TGDS: variants seen among roughly 807,000 people sequenced by gnomAD.
TGDS encodes the protein TDP-glucose 4,6-dehydratase, also known as UDP-D-glucose 4,6-dehydratase.
Under a neutral mutation model 52.3 loss-of-function variants are expected in TGDS, and 47 were observed. The ratio of observed to expected loss-of-function variants is 0.90; its 90% CI spans 0.71 to 1.15. The LOEUF (loss-of-function observed/expected upper bound fraction) is 1.15, where lower values mean the gene tolerates loss of function less well. Among genes scored for constraint, TGDS ranks in the 50% most tolerant of loss-of-function variants. The pLI, the probability that TGDS is intolerant of heterozygous loss-of-function variation, is 0.00. For synonymous variants in TGDS, 115 were observed against 136.9 expected (o/e 0.84, Z 1.12); for missense variants, 375 against 418.4 (o/e 0.90, Z 0.90).
intron 3 of TGDS, 99 bp from the exon 4 acceptor site, chr13:94,591,042 T>C (rs1889184209): frequency 1.3e-6 from 1 of 763,072 alleles, no homozygotes; most frequent in Non-Finnish European, 2.1e-6. Flanking sequence ...CACCTCCCTG[T>C]TTAATAGAGA....
intron 6 of TGDS, 70 bp downstream of exon 6, chr13:94,581,021 A>G: frequency 1.1e-6 from 1 of 913,972 alleles, no homozygotes; most frequent in Non-Finnish European, 1.6e-6. Flanking sequence ...GAAAAAAAAA[A>G]GCTGACTTGG....
At chr13:94,581,366 C>A (rs1888784348) in intron 5 of TGDS, among the ~76,000 whole-genome samples, 177 bp from the exon 6 acceptor site, 1 of 152,118 alleles carries the variant, frequency 6.6e-6, no homozygotes, top group Admixed American at 6.5e-5. Flanking sequence ...CACAACAATC[C>A]TATATAGCAG....
chr13:94,585,857 G>A (rs1372944385), intron 4 of TGDS, among the ~76,000 whole-genome samples: 1 of 151,154 alleles, frequency 6.6e-6, no homozygotes, highest in Non-Finnish European at 1.5e-5. Context: ...TAAAAATGGA[G>A]TTGGAAATTA....
chr13:94,581,266 C>A, intron 5 of TGDS, 77 bp from the exon 6 acceptor site: 1 of 946,678 alleles, frequency 1.1e-6, no homozygotes, highest in Admixed American at 2.9e-5. Flanking sequence ...GTTAACACTT[C>A]AAATGTCAAT....
At chr13:94,590,784 A>AT in intron 4 of TGDS, 69 bp downstream of exon 4, 1 of 1,216,738 alleles carries the variant, frequency 8.2e-7, no homozygotes, top group South Asian at 1.6e-5. Flanking sequence ...TCTTTCAAAT[A>AT]TAAGTATTAG....
chr13:94,583,262 A>C, intron 4 of TGDS, 26 bp from the exon 5 acceptor site: 1 of 1,607,426 alleles, frequency 6.2e-7, no homozygotes, highest in Non-Finnish European at 8.5e-7. Flanking sequence ...GAAAAGCTAA[A>C]ACAAGTCTAC....
chr13:94,580,067 C>G, intron 6 of TGDS, 114 bp from the exon 7 acceptor site: 1 of 615,602 alleles, frequency 1.6e-6, no homozygotes, highest in Non-Finnish European at 2.8e-6. Context: ...TTCCACACAC[C>G]TTAAGGTCAA....
chr13:94,575,815 T>C (rs1314245597), intron 11 of TGDS, among the ~76,000 whole-genome samples: 1 of 152,158 alleles, frequency 6.6e-6, no homozygotes, highest in East Asian at 1.9e-4. Flanking sequence ...ACACAGACTT[T>C]ATATGCACTT....
At position 94,583,905 on chromosome 13, in the gene TGDS, A is replaced by T. The variant is rs116194790; in HGVS notation, c.314-669T>A. Reference sequence around the variant, plus strand: ...AGTAAAACAGGTAGGAGACATAAACAGTTTAGATGAAGAAATATAAATGGG... The same window carrying T: ...AGTAAAACAGGTAGGAGACATAAACTGTTTAGATGAAGAAATATAAATGGG... On this transcript the variant is annotated intron_variant, in intron 4 of 11. Transcript: ENST00000261296. Among the ~76,000 whole-genome samples the T allele has an allele frequency of 4.2e-3, 640 of 152,368 alleles. 4 individuals carry two copies. The highest frequency in any genetic ancestry group is 0.014 in the African/African-American group (592 of 41,574).
intron 4 of TGDS, among the ~76,000 whole-genome samples, chr13:94,587,426 T>C (rs916990363): frequency 1.3e-5 from 2 of 152,270 alleles, no homozygotes; most frequent in South Asian, 4.1e-4. Context: ...AGAATTATTA[T>C]AAAGCTACAG....
chr13:94,592,908 G>A (rs1164463430), intron 2 of TGDS, among the ~76,000 whole-genome samples: 2 of 152,084 alleles, frequency 1.3e-5, no homozygotes, highest in South Asian at 2.1e-4. Context: ...TGTAATCCCA[G>A]CACTTTGGGA....
intron 10 of TGDS, 53 bp downstream of exon 10, chr13:94,577,318 A>T: frequency 7.3e-7 from 1 of 1,367,438 alleles, no homozygotes; most frequent in Non-Finnish European, 9.9e-7. Context: ...TTATAATTTT[A>T]TAAGTACCTA....
chr13:94,577,179 T>C (rs1888632685), intron 10 of TGDS, among the ~76,000 whole-genome samples, 192 bp downstream of exon 10: 1 of 152,146 alleles, frequency 6.6e-6, no homozygotes, highest in Non-Finnish European at 1.5e-5. Context: ...GGGTCAATAG[T>C]TTTTTAAGTC....
chr13:94,587,942 A>G (rs1226586362), intron 4 of TGDS, among the ~76,000 whole-genome samples: 1 of 144,760 alleles, frequency 6.9e-6, no homozygotes, highest in Non-Finnish European at 1.5e-5. Context: ...GCTTGCAGTG[A>G]GCCGAGATTG....
At chr13:94,586,252 A>T (rs1888978171) in intron 4 of TGDS, among the ~76,000 whole-genome samples, 1 of 152,216 alleles carries the variant, frequency 6.6e-6, no homozygotes, top group African/African-American at 2.4e-5. Context: ...AAATCCAAAT[A>T]CATGTTGTTT....
intron 5 of TGDS, among the ~76,000 whole-genome samples, chr13:94,582,543 C>T (rs1039647551): frequency 4.6e-5 from 7 of 152,160 alleles, no homozygotes; most frequent in East Asian, 1.9e-4. Context: ...TATTCTATGA[C>T]GGTTAACACT....
chr13:94,590,840 A>T lies in TGDS; in HGVS notation c.313+13T>A. 3.2e-6 allele frequency: 5 copies of T among 1,553,598 alleles called. No homozygotes were observed. Among genetic ancestry groups the T allele is most frequent in the Non-Finnish European group, 4.3e-6 (5 of 1,159,536 alleles). On this transcript the variant is annotated intron_variant, in intron 4 of 11. Coordinates refer to ENST00000261296, the MANE Select transcript of TGDS (RefSeq NM_014305.4). ...AACTGCCAATCATAACTGTAACATA[A>T]AACAATGCTTACCTACATGTGTTTG...
chr13:94,574,604 G>T lies in TGDS; in HGVS notation c.*178C>A. 1 of 540,492 alleles carries T rather than the reference G, an allele frequency of 1.9e-6. No homozygotes were observed. The allele number at this position is 540,492 out of a possible 1,614,324, so 33.5% of individuals were successfully genotyped here. A position where few individuals can be genotyped will look rare whatever the true frequency, so the allele number is the denominator to read the frequency against. On this transcript the variant is annotated 3_prime_UTR_variant, in exon 12 of 12. Transcript: ENST00000261296. ...AAGAATTTTGACATTTAAATTCTAT[G>T]CCAGTACTGAAACTCTCCCAAAGAT...
At chr13:94,593,805 A>C in intron 2 of TGDS, 36 bp downstream of exon 2, 3 of 1,315,390 alleles carry the variant, frequency 2.3e-6, no homozygotes, top group Non-Finnish European at 3.2e-6. Context: ...TTGAAATGTA[A>C]TTTCAGTGCA....
Sources: allele counts gnomAD v4.1 joint callset (sites outside exome capture counted in the v4.1 genomes callset), GRCh38; gene constraint gnomAD v4.1.1; transcripts MANE v1.5; gene names NCBI Gene and HGNC (gene_info 2026-07-23, HGNC 2026-07-21).